The following TTC28 variants were observed in gnomAD, a reference collection of about 807,000 sequenced individuals.
TTC28 encodes the protein tetratricopeptide repeat domain 28.
A neutral mutation model predicts 198.0 loss-of-function variants in TTC28; 61 were observed. The observed-to-expected ratio is 0.31, with a 90% CI of 0.25 to 0.38. TTC28 has a LOEUF of 0.38. Among genes scored for constraint, TTC28 ranks in the 10% least tolerant of loss-of-function variants. The pLI, the probability that TTC28 is intolerant of heterozygous loss-of-function variation, is 1.00. For missense variants in TTC28, 2,678 were observed against 3,164.0 expected, an observed-to-expected ratio of 0.85 and a Z score of 3.69; for synonymous variants, 1,171 against 1,297.8, an observed-to-expected ratio of 0.90 and a Z score of 2.10.
intron 2 of TTC28, among the ~76,000 whole-genome samples, chr22:28,425,006 T>C (rs1269835011): frequency 6.6e-6 from 1 of 152,204 alleles, no homozygotes; most frequent in South Asian, 2.1e-4. Flanking sequence ...CCTTTTGACA[T>C]TTGACTCTAT....
chr22:28,116,196 A>C (rs1431163056), intron 6 of TTC28, among the ~76,000 whole-genome samples: 2 of 151,958 alleles, frequency 1.3e-5, no homozygotes, highest in African/African-American at 4.8e-5. Flanking sequence ...TGACGAGCCC[A>C]CTGGAACCCA....
At chr22:28,200,779 G>A (rs931035400) in intron 5 of TTC28, among the ~76,000 whole-genome samples, 5 of 152,170 alleles carry the variant, frequency 3.3e-5, no homozygotes, top group African/African-American at 1.2e-4. Flanking sequence ...TGGCCTAGGA[G>A]CACTGCTAGG....
intron 2 of TTC28, among the ~76,000 whole-genome samples, chr22:28,377,253 A>G (rs1460899724): frequency 1.3e-5 from 2 of 150,988 alleles, no homozygotes; most frequent in Admixed American, 1.3e-4. Context: ...AATATATTCT[A>G]AAGTTAAAAA....
At chr22:28,579,163 C>G (rs1033457609) in intron 2 of TTC28, among the ~76,000 whole-genome samples, 1 of 149,454 alleles carries the variant, frequency 6.7e-6, no homozygotes, top group Non-Finnish European at 1.5e-5. Context: ...TACATACATA[C>G]AGCTACACGT....
chr22:28,254,397 A>C (rs1930739110), intron 5 of TTC28, among the ~76,000 whole-genome samples: 1 of 152,138 alleles, frequency 6.6e-6, no homozygotes, highest in African/African-American at 2.4e-5. Context: ...CCAGGAATTA[A>C]AGTGAAGAAG....
At chr22:28,438,887 G>A (rs1475200529) in intron 2 of TTC28, among the ~76,000 whole-genome samples, 1 of 152,150 alleles carries the variant, frequency 6.6e-6, no homozygotes, top group East Asian at 1.9e-4. Context: ...GGTTGACAGA[G>A]CCTGGTACTA....
intron 6 of TTC28, among the ~76,000 whole-genome samples, chr22:28,112,938 G>A (rs1942526548): frequency 1.3e-5 from 2 of 152,136 alleles, no homozygotes; most frequent in African/African-American, 2.4e-5. Flanking sequence ...GTCACAGCAG[G>A]TCTCCACCTA....
chr22:28,554,321 T>C (rs919792871), intron 2 of TTC28, among the ~76,000 whole-genome samples: 14 of 148,922 alleles, frequency 9.4e-5, no homozygotes, highest in South Asian at 2.1e-4. Flanking sequence ...ACTATTGTCC[T>C]ATGACCCTGC....
rs59485238 is a variant in TTC28 at position 28,466,675 on chromosome 22, G to A, written c.382-160032C>T. 8.1e-3 allele frequency among the ~76,000 whole-genome samples: 1,225 copies of A among 152,114 alleles called. 23 individuals are homozygous for A. The highest frequency in any genetic ancestry group is 0.027 in the African/African-American group (1,126 of 41,504). Reference sequence around the variant, plus strand: ...TAGAGACTAGCACTCACATATACTCGTGGGTCAACACCCGCGTCTTATGTA... The same window carrying A: ...TAGAGACTAGCACTCACATATACTCATGGGTCAACACCCGCGTCTTATGTA... On this transcript the variant is annotated intron_variant, in intron 2 of 22. Transcript: ENST00000397906.
chr22:27,990,034 C>T (rs1005720552), intron 20 of TTC28, 27 bp from the exon 21 acceptor site: 1 of 1,539,806 alleles, frequency 6.5e-7, no homozygotes, highest in African/African-American at 1.4e-5. Context: ...AGCGTGAGCA[C>T]CCTGTGTCTC....
intron 2 of TTC28, among the ~76,000 whole-genome samples, chr22:28,590,252 T>C (rs1038109992): frequency 2.0e-5 from 3 of 151,066 alleles, no homozygotes; most frequent in African/African-American, 7.3e-5. Context: ...CTCAGCCTCC[T>C]GAGTAGCTGG....
At chr22:28,527,009 C>T (rs1294888871) in intron 2 of TTC28, among the ~76,000 whole-genome samples, 1 of 152,158 alleles carries the variant, frequency 6.6e-6, no homozygotes, top group Non-Finnish European at 1.5e-5. Context: ...CCACCCGCCT[C>T]AGCCTCCGAA....
chr22:28,504,830 C>T (rs568789489), intron 2 of TTC28, among the ~76,000 whole-genome samples: 28 of 151,858 alleles, frequency 1.8e-4, no homozygotes, highest in Non-Finnish European at 3.5e-4. Context: ...AGAGATTTAG[C>T]GGTGAAATAA....
intron 5 of TTC28, among the ~76,000 whole-genome samples, chr22:28,263,638 A>G (rs1931478760): frequency 1.3e-5 from 2 of 152,150 alleles, no homozygotes; most frequent in African/African-American, 2.4e-5. Context: ...AATGATAATA[A>G]TAGTATAGTA....
chr22:28,452,455 A>C (rs1014452074), intron 2 of TTC28, among the ~76,000 whole-genome samples: 14 of 148,644 alleles, frequency 9.4e-5, no homozygotes, highest in Non-Finnish European at 1.9e-4. Context: ...AAAGAGACAT[A>C]GGGAAAGTGG....
intron 2 of TTC28, among the ~76,000 whole-genome samples, chr22:28,355,290 AT>A (rs899233412): frequency 6.6e-6 from 1 of 152,116 alleles, no homozygotes; most frequent in African/African-American, 2.4e-5. Context: ...TTGCAAAAGT[AT>A]TTTTCCCCCT....
At chr22:28,088,330 A>G (rs994513897) in intron 12 of TTC28, among the ~76,000 whole-genome samples, 2 of 152,172 alleles carry the variant, frequency 1.3e-5, no homozygotes, top group Non-Finnish European at 2.9e-5. Context: ...GATCAATGGA[A>G]CAGAACAGAG....
Position 28,629,650 on chromosome 22 carries a change from A to G in TTC28, c.283T>C (p.Tyr95His), listed in dbSNP as rs1234822927. The G allele has an allele frequency of 1.6e-5, 25 of 1,551,534 alleles. No individual in the cohort carries two copies. The highest frequency in any genetic ancestry group is 2.4e-5 in the East Asian group (1 of 40,936). Reference protein sequence around the residue: ...LAVDPQNCILYSNRSAAYMKI... With the variant: ...LAVDPQNCILHSNRSAAYMKI... ...ATGTAGGCTGCAGATCTATTGCTGT[A>G]TAAGATGCAGTTCTGAGGGTCAACA... Residue 95 changes from tyrosine (Y) to histidine (H), a missense_variant, in exon 2 of 23, where the codon TAC becomes CAC. Transcript: ENST00000397906.
Position 28,508,376 on chromosome 22 carries a change from C to T in TTC28, c.381+121176G>A, listed in dbSNP as rs541037944. Among the ~76,000 whole-genome samples, 3 of 152,274 alleles carry T rather than the reference C, an allele frequency of 2.0e-5. No individual in the cohort carries two copies. In the South Asian group the frequency reaches 6.2e-4, roughly 32 times the overall value. Reference sequence around the variant, plus strand: ...TCAGCTCACTGCAACCTCTGCCTCCCGGGTTCAAGAGCTTCCCCTATCTCA... The same window carrying T: ...TCAGCTCACTGCAACCTCTGCCTCCTGGGTTCAAGAGCTTCCCCTATCTCA... On this transcript the variant is annotated intron_variant, in intron 2 of 22. Coordinates refer to ENST00000397906, the MANE Select transcript of TTC28 (RefSeq NM_001145418.2).
Sources: allele counts gnomAD v4.1 joint callset (sites outside exome capture counted in the v4.1 genomes callset), GRCh38; gene constraint gnomAD v4.1.1; transcripts MANE v1.5; gene names NCBI Gene and HGNC (gene_info 2026-07-23, HGNC 2026-07-21).